The following MYLK variants were observed in gnomAD, a reference collection of about 807,000 sequenced individuals.
MYLK encodes myosin light chain kinase.
A neutral mutation model predicts 203.4 loss-of-function variants in MYLK; 106 were observed. The ratio of observed to expected loss-of-function variants is 0.52; its 90% CI spans 0.45 to 0.61. The LOEUF (loss-of-function observed/expected upper bound fraction) is 0.61. Among genes scored for constraint, MYLK ranks in the 20% least tolerant of loss-of-function variants. MYLK has a pLI of 0.00. For synonymous variants in MYLK, 867 were observed against 959.5 expected (o/e 0.90, Z 1.78); for missense variants, 2,072 against 2,442.3 (o/e 0.85, Z 3.20).
At chr3:123,824,013 C>T (rs565352851) in intron 3 of MYLK, among the ~76,000 whole-genome samples, 1 of 152,258 alleles carries the variant, frequency 6.6e-6, no homozygotes, top group South Asian at 2.1e-4. Context: ...CCTTTCTTGA[C>T]CACTTGACCA....
At chr3:123,679,177 C>T (rs375041670) in intron 20 of MYLK, among the ~76,000 whole-genome samples, 11 of 151,808 alleles carry the variant, frequency 7.2e-5, no homozygotes, top group East Asian at 3.9e-4. Flanking sequence ...CGTGGTGGTG[C>T]GCAGCTGTAG....
chr3:123,812,551 G>A (rs1219549650), intron 3 of MYLK, among the ~76,000 whole-genome samples: 1 of 152,184 alleles, frequency 6.6e-6, no homozygotes, highest in Non-Finnish European at 1.5e-5. Context: ...ACTTAAAACA[G>A]TGTCCAGGTG....
chr3:123,743,818 A>G (rs1052506470), intron 5 of MYLK, among the ~76,000 whole-genome samples: 1 of 152,208 alleles, frequency 6.6e-6, no homozygotes, highest in African/African-American at 2.4e-5. Context: ...TCAAAAAGTG[A>G]ATAATGTGAT....
chr3:123,629,463 C>G lies in MYLK; in HGVS notation c.5114+11G>C. ...AGTAGGGAAGCAAAGACTGAAATCC[C>G]AACTCATTACTTCATATCTTTCTTC... On this transcript the variant is annotated intron_variant, in intron 30 of 33. Transcript: ENST00000360304. This position sits in a 1 kb window ranked among gnomAD's most constrained non-coding sequence, Gnocchi z 4.4. 6.2e-7 allele frequency: 1 copy of G among 1,614,110 alleles called. No homozygotes were observed. The highest frequency in any genetic ancestry group is 8.5e-7 in the Non-Finnish European group (1 of 1,180,002).
At chr3:123,649,119 C>G in intron 25 of MYLK, 43 bp downstream of exon 25, 1 of 1,614,104 alleles carries the variant, frequency 6.2e-7, no homozygotes, top group East Asian at 2.2e-5. Flanking sequence ...ACTCAGCCCC[C>G]TCCACCCCAA....
intron 2 of MYLK, among the ~76,000 whole-genome samples, chr3:123,848,982 A>G (rs1577118145): frequency 6.6e-6 from 1 of 152,218 alleles, no homozygotes; most frequent in East Asian, 1.9e-4. Flanking sequence ...TCTTTTTGGT[A>G]GGAATTGAGG....
At chr3:123,825,499 A>G (rs1249300379) in intron 3 of MYLK, among the ~76,000 whole-genome samples, 1 of 152,202 alleles carries the variant, frequency 6.6e-6, no homozygotes, top group African/African-American at 2.4e-5. Context: ...CACAGTCCTT[A>G]CAAGTCCTGG....
chr3:123,680,368 G>A (rs908310338), intron 20 of MYLK, among the ~76,000 whole-genome samples: 1 of 152,096 alleles, frequency 6.6e-6, no homozygotes, highest in Non-Finnish European at 1.5e-5. Flanking sequence ...CCCAGGAGTC[G>A]GGGACAGCCA....
At chr3:123,728,120 AC>A (rs762202348) in intron 11 of MYLK, among the ~76,000 whole-genome samples, 12 of 152,350 alleles carry the variant, frequency 7.9e-5, no homozygotes, top group Non-Finnish European at 1.3e-4. Flanking sequence ...AAAAGCAACA[AC>A]AATACTGGCA....
intron 2 of MYLK, among the ~76,000 whole-genome samples, chr3:123,834,664 T>C (rs573118370): frequency 1.3e-5 from 2 of 152,252 alleles, no homozygotes; most frequent in African/African-American, 4.8e-5. Flanking sequence ...CTACATTAAA[T>C]AGAATGCTCA....
intron 19 of MYLK, among the ~76,000 whole-genome samples, chr3:123,686,837 C>T (rs995254439): frequency 6.6e-6 from 1 of 152,180 alleles, no homozygotes; most frequent in Non-Finnish European, 1.5e-5. Flanking sequence ...TGAACTACAC[C>T]ATTCGCCAGT....
intron 4 of MYLK, among the ~76,000 whole-genome samples, chr3:123,780,623 C>T (rs962621560): frequency 1.3e-5 from 2 of 152,150 alleles, no homozygotes; most frequent in Non-Finnish European, 2.9e-5. Flanking sequence ...CCTTCCAGAT[C>T]ACACTGTTGG....
At chr3:123,678,418 C>T (rs938802909) in intron 20 of MYLK, among the ~76,000 whole-genome samples, 6 of 152,048 alleles carry the variant, frequency 3.9e-5, no homozygotes, top group Non-Finnish European at 8.8e-5. Context: ...AGTGTCTGGC[C>T]GGTTAACTTG....
intron 4 of MYLK, among the ~76,000 whole-genome samples, chr3:123,777,399 G>T (rs1341334104): frequency 6.6e-6 from 1 of 152,150 alleles, no homozygotes; most frequent in Non-Finnish European, 1.5e-5. Flanking sequence ...GATGTTTTTT[G>T]ATCATTTGAG....
chr3:123,618,582 A>T, intron 33 of MYLK, 57 bp downstream of exon 33: 5 of 1,602,810 alleles, frequency 3.1e-6, no homozygotes, highest in Non-Finnish European at 4.3e-6. Context: ...CATGGTAGGG[A>T]CTCTACCATC....
chr3:123,750,279 G>C (rs935313090), intron 5 of MYLK, among the ~76,000 whole-genome samples: 5 of 151,958 alleles, frequency 3.3e-5, no homozygotes, highest in African/African-American at 9.7e-5. Flanking sequence ...TTTAATTTGA[G>C]GGCCTGAGTC....
chr3:123,671,350 A>G (rs977867948), intron 20 of MYLK, among the ~76,000 whole-genome samples: 14 of 152,246 alleles, frequency 9.2e-5, no homozygotes, highest in African/African-American at 3.1e-4. Flanking sequence ...AGATGGGTCA[A>G]TTCTTTGGGG....
At chr3:123,730,086 G>A (rs1229049648) in intron 11 of MYLK, among the ~76,000 whole-genome samples, 6 of 152,022 alleles carry the variant, frequency 3.9e-5, no homozygotes, top group Non-Finnish European at 5.9e-5. Flanking sequence ...AAAATTAGCC[G>A]AGTGTGGTGG....
chr3:123,820,640 T>C (rs868133428), intron 3 of MYLK, among the ~76,000 whole-genome samples: 3 of 116,306 alleles, frequency 2.6e-5, no homozygotes, highest in African/African-American at 6.5e-5. Context: ...CCTTCCTTCC[T>C]TCCCTCCTTC....
Sources: allele counts gnomAD v4.1 joint callset (sites outside exome capture counted in the v4.1 genomes callset), GRCh38; gene constraint gnomAD v4.1.1; non-coding constraint Gnocchi (gnomAD v3.1); transcripts MANE v1.5; gene names NCBI Gene and HGNC (gene_info 2026-07-23, HGNC 2026-07-21).